PAX8: variants seen among roughly 807,000 people sequenced by gnomAD.
PAX8 encodes the protein paired box protein Pax-8.
A neutral mutation model predicts 52.4 loss-of-function variants in PAX8; 15 were observed. That is an observed-to-expected ratio of 0.29 (90% CI 0.19 to 0.44). The LOEUF is 0.44. Ranked by LOEUF, PAX8 falls within the 20% of genes least tolerant of loss-of-function variation. The pLI is 1.00. For missense variants in PAX8, 554 were observed against 602.5 expected (o/e 0.92, Z 0.84); for synonymous variants, 284 against 249.7 (o/e 1.14, Z -1.29).
At chr2:113,272,070 G>C (rs1332347311) in intron 2 of PAX8, 1 of 152,186 alleles carries the variant, frequency 6.6e-6, no homozygotes, top group African/African-American at 2.4e-5. Flanking sequence ...TGAGCCACAG[G>C]GATTGCTGGC....
At chr2:113,231,729 T>A (rs1390651644) in intron 9 of PAX8, among the ~76,000 whole-genome samples, 1 of 152,112 alleles carries the variant, frequency 6.6e-6, no homozygotes, top group African/African-American at 2.4e-5. Flanking sequence ...TCTTTCTTTA[T>A]TATTTTTTTC....
intron 8 of PAX8, 21 bp downstream of exon 8, chr2:113,236,580 G>C (rs779730472): frequency 6.4e-7 from 1 of 1,553,440 alleles, no homozygotes; most frequent in South Asian, 1.2e-5. Flanking sequence ...CCACCTGCCA[G>C]GGAGGCTCCG....
intron 10 of PAX8, chr2:113,226,458 C>T (rs759625905): frequency 3.0e-6 from 3 of 988,268 alleles, no homozygotes; most frequent in Non-Finnish European, 3.6e-6. Context: ...CAGACCTTGT[C>T]ATCTTGAATC....
chr2:113,241,987 C>T (rs779148350), intron 6 of PAX8, 21 bp downstream of exon 6: 3 of 1,612,778 alleles, frequency 1.9e-6, no homozygotes, highest in South Asian at 2.2e-5. Flanking sequence ...CCGCCCGCTG[C>T]CCTCCTGTCC....
rs1558672991 is a variant in PAX8 at position 113,216,007 on chromosome 2, C to A, written c.*2526G>T. On this transcript the variant is annotated 3_prime_UTR_variant, in exon 12 of 12. Transcript: ENST00000429538. ...AGTTTTAAACCATGGTCACCTTAGT[C>A]AAAGCACAGCCCAAGCCCCTTTATT... is the stretch of plus-strand genomic sequence containing the variant. The A allele has an allele frequency of 1.4e-5, 3 of 210,558 alleles. No homozygotes were observed. Among genetic ancestry groups the A allele is most frequent in the Non-Finnish European group, 2.9e-5 (3 of 103,760 alleles). 13.0% of individuals were successfully genotyped at this position (210,558 alleles called of 1,614,324 possible).
intron 2 of PAX8, among the ~76,000 whole-genome samples, chr2:113,256,893 C>T (rs192066464): frequency 4.6e-5 from 7 of 152,138 alleles, no homozygotes; most frequent in East Asian, 3.9e-4. Context: ...ACATGGTGCA[C>T]GTGCAGCACC....
rs1446635067 is a variant in PAX8, at chr2:113,235,380, C to A, written c.1087+14G>T. The A allele has an allele frequency of 1.3e-6, 2 of 1,558,838 alleles. No individual in the cohort carries two copies. The highest frequency in any genetic ancestry group is 1.7e-6 in the Non-Finnish European group (2 of 1,151,710). On this transcript the variant is annotated intron_variant, in intron 9 of 11. Coordinates refer to ENST00000429538, the MANE Select transcript of PAX8 (RefSeq NM_003466.4). ...CCGCCATAGCTGCATGGCCCCGGGA[C>A]CTCCCTGTCGTACCTGAGAGGAGGG... is the stretch of plus-strand genomic sequence containing the variant.
Position 113,236,613 on chromosome 2 carries a change from G to C in PAX8, c.886C>G (p.Pro296Ala), listed in dbSNP as rs1573442122. 6.3e-7 allele frequency: 1 copy of C among 1,583,942 alleles called. No individual in the cohort carries two copies. Residue 296 changes from proline to alanine, a missense_variant, in exon 8 of 12, where the codon CCC (proline) becomes GCC (alanine). Physicochemically the swap from Pro to Ala is conservative, Grantham distance 27 (BLOSUM62 -1). Coordinates refer to ENST00000429538, the MANE Select transcript of PAX8 (RefSeq NM_003466.4). ...GRNLSTHQTYPVVADPHSPFA... is the reference protein window; with the variant it reads ...GRNLSTHQTYAVVADPHSPFA... ...CCGGGCGTTGTACCTGCCACCACGG[G>C]GTAGGTCTGGTGAGTCGAGAGGTTG...
chr2:113,246,066 G>A (rs1691295323), intron 3 of PAX8, among the ~76,000 whole-genome samples: 1 of 152,236 alleles, frequency 6.6e-6, no homozygotes, highest in African/African-American at 2.4e-5. Flanking sequence ...GCAGGCCTTT[G>A]CTGCTCCTGG....
intron 2 of PAX8, among the ~76,000 whole-genome samples, chr2:113,253,110 G>A (rs1691915123): frequency 6.6e-6 from 1 of 152,208 alleles, no homozygotes; most frequent in Non-Finnish European, 1.5e-5. Flanking sequence ...AGAGATTTTA[G>A]TGACAATCCC....
chr2:113,226,683 C>T, intron 10 of PAX8: 1 of 1,105,554 alleles, frequency 9.0e-7, no homozygotes, highest in East Asian at 5.6e-5. Context: ...TCATCATCAT[C>T]ATCATCATCA....
chr2:113,223,558 G>C (rs1689380784), intron 10 of PAX8, among the ~76,000 whole-genome samples: 1 of 152,110 alleles, frequency 6.6e-6, no homozygotes, highest in African/African-American at 2.4e-5. Context: ...TCCTGCCTTA[G>C]GTCCTTTGCC....
intron 2 of PAX8, among the ~76,000 whole-genome samples, chr2:113,252,584 GGAAAGC>G (rs146123072): frequency 0.22 from 33,373 of 151,886 alleles, 3,895 homozygotes; most frequent in South Asian, 0.35. Context: ...CTGGCATGCT[GGAAAGC>G]AGCATCCTGC....
At chr2:113,254,707 T>A (rs990343358) in intron 2 of PAX8, among the ~76,000 whole-genome samples, 2 of 152,324 alleles carry the variant, frequency 1.3e-5, no homozygotes, top group Admixed American at 1.3e-4. Context: ...TGTTCAAGCC[T>A]CATTTCTTAC....
chr2:113,257,417 C>G (rs1332560206), intron 2 of PAX8, among the ~76,000 whole-genome samples: 1 of 152,166 alleles, frequency 6.6e-6, no homozygotes, highest in Non-Finnish European at 1.5e-5. Flanking sequence ...AGGACCAACG[C>G]CAGCTCCTTG....
chr2:113,251,232 G>T (rs999765139), intron 2 of PAX8, among the ~76,000 whole-genome samples: 1 of 152,190 alleles, frequency 6.6e-6, no homozygotes, highest in African/African-American at 2.4e-5. Flanking sequence ...CCAGAGGTGG[G>T]TGCAGACTTC....
rs755727239 is a variant in PAX8 at position 113,220,105 on chromosome 2, G to A, written c.1263C>T (p.Asn421=). The change falls in exon 11 of 12, where the codon AAC becomes AAT. Residue 421 remains asparagine (N), a synonymous_variant. Coordinates refer to ENST00000429538, the MANE Select transcript of PAX8 (RefSeq NM_003466.4). ...CCAGGGACTTACTCAGCAAGCTGGA[G>A]TTGGGGAAGCGCCAGGCCTCGCTGT... is the stretch of plus-strand genomic sequence containing the variant. The part of the protein sequence containing the change: ...SSYSEAWRFP[N]SSLLSSPYYY... The A allele has an allele frequency of 2.5e-6, 4 of 1,613,680 alleles. No homozygotes were observed. Among genetic ancestry groups the A allele is most frequent in the Non-Finnish European group, 3.4e-6 (4 of 1,179,774 alleles).
At chr2:113,226,485 T>G in intron 10 of PAX8, 1 of 989,500 alleles carries the variant, frequency 1.0e-6, no homozygotes, top group Non-Finnish European at 1.2e-6. Flanking sequence ...GGATGATGAC[T>G]GGCAGACAAA....
intron 2 of PAX8, among the ~76,000 whole-genome samples, chr2:113,247,849 G>C (rs1452019100): frequency 6.6e-6 from 1 of 152,234 alleles, no homozygotes; most frequent in Non-Finnish European, 1.5e-5. Context: ...GTTTATTACA[G>C]TGAGGTCCTA....
Sources: allele counts gnomAD v4.1 joint callset (sites outside exome capture counted in the v4.1 genomes callset), GRCh38; gene constraint gnomAD v4.1.1; transcripts MANE v1.5; gene names NCBI Gene and HGNC (gene_info 2026-07-23, HGNC 2026-07-21).